PRICKLE2: variants seen among roughly 807,000 people sequenced by gnomAD.
PRICKLE2 encodes the protein prickle planar cell polarity protein 2.
A neutral mutation model predicts 81.4 loss-of-function variants in PRICKLE2; 21 were observed. The observed-to-expected ratio is 0.26, with a 90% CI of 0.18 to 0.37. PRICKLE2 has a LOEUF of 0.37. Ranked by LOEUF, PRICKLE2 falls within the 10% of genes least tolerant of loss-of-function variation. The pLI, the probability that PRICKLE2 is intolerant of heterozygous loss-of-function variation, is 1.00. For synonymous variants in PRICKLE2, 456 were observed against 421.5 expected (o/e 1.08, Z -1.00); for missense variants, 940 against 1,109.0 (o/e 0.85, Z 2.16).
intron 7 of PRICKLE2, among the ~76,000 whole-genome samples, chr3:64,121,861 T>C (rs887618890): frequency 3.3e-5 from 5 of 152,134 alleles, no homozygotes; most frequent in African/African-American, 1.2e-4. Context: ...GCTCGGAAAG[T>C]AGAGCACACT....
At chr3:64,184,653 T>A (rs966936351) in intron 2 of PRICKLE2, among the ~76,000 whole-genome samples, 3 of 146,322 alleles carry the variant, frequency 2.1e-5, no homozygotes, top group Non-Finnish European at 4.6e-5. Context: ...AAAAAAAAAA[T>A]TTGAGATGGA....
At chr3:64,156,376 A>G (rs1277153428) in intron 5 of PRICKLE2, among the ~76,000 whole-genome samples, 1 of 152,212 alleles carries the variant, frequency 6.6e-6, no homozygotes, top group African/African-American at 2.4e-5. Flanking sequence ...ACTGCTATTT[A>G]CAGAGAAAGA....
intron 2 of PRICKLE2, among the ~76,000 whole-genome samples, chr3:64,165,368 G>C (rs1013660984): frequency 6.6e-6 from 1 of 152,154 alleles, no homozygotes; most frequent in East Asian, 1.9e-4. Flanking sequence ...GGGTTCCTGA[G>C]CAAGTTATGT....
At chr3:64,220,655 T>G (rs980335369) in intron 1 of PRICKLE2, among the ~76,000 whole-genome samples, 2 of 152,148 alleles carry the variant, frequency 1.3e-5, no homozygotes, top group East Asian at 3.9e-4. Flanking sequence ...ACTCTGCTGT[T>G]CTGAGTGAGC....
chr3:64,250,505 C>T (rs1332987658), intron 2 of PRICKLE2, among the ~76,000 whole-genome samples: 1 of 152,198 alleles, frequency 6.6e-6, no homozygotes, highest in Non-Finnish European at 1.5e-5. Context: ...GAGCATCCCA[C>T]ACTCTTCCCC....
chr3:64,264,725 C>T (rs949266862), intron 2 of PRICKLE2, among the ~76,000 whole-genome samples: 1 of 152,142 alleles, frequency 6.6e-6, no homozygotes, highest in Non-Finnish European at 1.5e-5. Context: ...TAACCTTTTG[C>T]AAATGTTCCC....
At chr3:64,226,749 A>C (rs1438490437), upstream of PRICKLE2, among the ~76,000 whole-genome samples, 2 of 152,208 alleles carry the variant, frequency 1.3e-5, no homozygotes, top group Non-Finnish European at 2.9e-5. Flanking sequence ...AATTGTTTAA[A>C]ATCATATATT....
chr3:64,094,318 C>T lies in PRICKLE2; in HGVS notation c.*4733G>A, dbSNP rs153732. On this transcript the variant is annotated 3_prime_UTR_variant, in exon 8 of 8. Coordinates refer to ENST00000638394, the MANE Select transcript of PRICKLE2 (RefSeq NM_198859.4). ...TAGGTAGGTTTAAGAACAGACCTTA[C>T]TGGTAAGTAACTCTCTCTGAAAAAT... 0.91 allele frequency: 138,926 copies of T among 152,258 alleles called. 64,508 individuals carry two copies. Among genetic ancestry groups the T allele is most frequent in the Non-Finnish European group, 1 (67,872 of 68,040 alleles). The allele number at this position is 152,258 out of a possible 1,614,324, so 9.4% of individuals were successfully genotyped here.
chr3:64,236,396 C>T (rs2079179874), intron 2 of PRICKLE2, among the ~76,000 whole-genome samples: 1 of 152,124 alleles, frequency 6.6e-6, no homozygotes, highest in Non-Finnish European at 1.5e-5. Context: ...CATAAACTGC[C>T]ACAGCTGATG....
chr3:64,173,175 ATAGG>A (rs1225490506), intron 2 of PRICKLE2, among the ~76,000 whole-genome samples: 3 of 152,242 alleles, frequency 2.0e-5, no homozygotes, highest in Non-Finnish European at 4.4e-5. Context: ...AAAAGCCATA[ATAGG>A]TAGACAAAAA....
At chr3:64,212,465 G>T (rs1002789538) in intron 1 of PRICKLE2, among the ~76,000 whole-genome samples, 4 of 152,160 alleles carry the variant, frequency 2.6e-5, no homozygotes, top group African/African-American at 9.7e-5. Context: ...TCAAGGCAAG[G>T]ATCAGAAGAC....
At chr3:64,117,297 G>T (rs58531126) in intron 7 of PRICKLE2, among the ~76,000 whole-genome samples, 6,705 of 152,206 alleles carry the variant, frequency 0.044, 492 homozygotes, top group African/African-American at 0.15. Flanking sequence ...CATAAGACAA[G>T]GATGCCCTCT....
chr3:64,230,557 C>T (rs1025664321), intron 2 of PRICKLE2, among the ~76,000 whole-genome samples: 5 of 152,124 alleles, frequency 3.3e-5, no homozygotes, highest in African/African-American at 1.2e-4. Context: ...AAAAGAAATG[C>T]TCAAAAGAGT....
intron 6 of PRICKLE2, among the ~76,000 whole-genome samples, chr3:64,151,745 C>T (rs1400003155): frequency 1.3e-5 from 2 of 152,204 alleles, no homozygotes; most frequent in African/African-American, 4.8e-5. Context: ...CACGTCTTGT[C>T]ACTTGTCACA....
intron 7 of PRICKLE2, among the ~76,000 whole-genome samples, chr3:64,124,346 C>G (rs2077074831): frequency 6.6e-6 from 1 of 152,210 alleles, no homozygotes; most frequent in African/African-American, 2.4e-5. Flanking sequence ...CAAGGTGAAG[C>G]AGCAAGTGCT....
At chr3:64,148,980 G>C (rs1191958549) in intron 6 of PRICKLE2, among the ~76,000 whole-genome samples, 1 of 152,210 alleles carries the variant, frequency 6.6e-6, no homozygotes, top group South Asian at 2.1e-4. Flanking sequence ...TCTGCTTTCG[G>C]TAAAGAAAAA....
chr3:64,140,047 T>C (rs930006448), intron 7 of PRICKLE2, among the ~76,000 whole-genome samples: 1 of 152,210 alleles, frequency 6.6e-6, no homozygotes, highest in Non-Finnish European at 1.5e-5. Context: ...GCACCTTGCA[T>C]AGGTGGCACC....
intron 7 of PRICKLE2, among the ~76,000 whole-genome samples, chr3:64,133,756 T>C (rs1426087914): frequency 6.6e-6 from 1 of 152,106 alleles, no homozygotes; most frequent in East Asian, 1.9e-4. Flanking sequence ...GTAAATCAGA[T>C]TCAAGGAGAC....
intron 7 of PRICKLE2, among the ~76,000 whole-genome samples, chr3:64,118,130 T>C (rs912111286): frequency 6.6e-6 from 1 of 152,200 alleles, no homozygotes; most frequent in Non-Finnish European, 1.5e-5. Context: ...TAAATGGTGC[T>C]GGGATAACTG....
Sources: gnomAD v4.1 joint callset for allele counts (sites outside exome capture counted in the v4.1 genomes callset) on GRCh38, gnomAD v4.1.1 for gene constraint, MANE v1.5 for transcripts, NCBI Gene and HGNC (gene_info 2026-07-23, HGNC 2026-07-21) for gene names.